The following NTRK3 variants were observed in gnomAD, a reference collection of about 807,000 sequenced individuals.
NTRK3 encodes NT-3 growth factor receptor.
Under a neutral mutation model 91.7 loss-of-function variants are expected in NTRK3, and 24 were observed. The observed-to-expected ratio is 0.26, with a 90% CI of 0.19 to 0.37. The LOEUF is 0.37. Among genes scored for constraint, NTRK3 ranks in the 10% least tolerant of loss-of-function variants. The pLI, the probability that NTRK3 is intolerant of heterozygous loss-of-function variation, is 1.00. For missense variants in NTRK3, 880 were observed against 1,068.9 expected (o/e 0.82, Z 2.46); for synonymous variants, 483 against 404.0 (o/e 1.20, Z -2.34).
intron 5 of NTRK3, among the ~76,000 whole-genome samples, chr15:88,156,800 C>CCTTTTCTTTTTCAGTTTTAT: frequency 6.6e-6 from 1 of 152,306 alleles, no homozygotes; most frequent in South Asian, 2.1e-4. Context: ...TTGAAGACAA[C>CCTTTTCTTTTTCAGTTTTAT]CTTTTCTTTT....
In NTRK3 at chr15:88,059,049, AACACACACACACAC is replaced by A. The variant is rs56706510; in HGVS notation, c.1397-26018_1397-26005del. On this transcript the variant is annotated intron_variant, in intron 13 of 18. Transcript: ENST00000394480. ...GGCCCCTTTATTTCACTCACACACA[AACACACACACACAC>A]ACACACACACACACACAGCCCTCTG... is the stretch of plus-strand genomic sequence containing the variant. Among the ~76,000 whole-genome samples, 42 of 144,718 alleles carry A rather than the reference AACACACACACACAC, an allele frequency of 2.9e-4. 2 individuals are homozygous for A. The highest frequency in any genetic ancestry group is 1.0e-3 in the African/African-American group (39 of 38,956). 94.9% of individuals were successfully genotyped at this position (144,718 alleles called of 152,430 possible).
At chr15:88,157,927 C>T (rs1329512715) in intron 5 of NTRK3, among the ~76,000 whole-genome samples, 1 of 152,172 alleles carries the variant, frequency 6.6e-6, no homozygotes. Flanking sequence ...GAGGGATCCT[C>T]CCCTCTTGGC....
chr15:88,088,580 A>G (rs1372895035), intron 13 of NTRK3, among the ~76,000 whole-genome samples: 5 of 152,210 alleles, frequency 3.3e-5, no homozygotes, highest in Non-Finnish European at 7.3e-5. Flanking sequence ...AATACTATGC[A>G]TATACCAGCA....
chr15:88,076,477 C>A (rs1449717902), intron 13 of NTRK3, among the ~76,000 whole-genome samples: 1 of 152,130 alleles, frequency 6.6e-6, no homozygotes, highest in Non-Finnish European at 1.5e-5. Context: ...CTCTAATCCC[C>A]TAGTGCACCA....
chr15:88,070,929 T>C (rs578102144), intron 13 of NTRK3, among the ~76,000 whole-genome samples: 17 of 152,292 alleles, frequency 1.1e-4, no homozygotes, highest in African/African-American at 4.1e-4. Flanking sequence ...GGAAGATTCC[T>C]AGCCCTCTAG....
At chr15:88,204,492 C>T (rs1250212996) in intron 3 of NTRK3, among the ~76,000 whole-genome samples, 1 of 152,214 alleles carries the variant, frequency 6.6e-6, no homozygotes, top group Non-Finnish European at 1.5e-5. Context: ...TAATGCTGCT[C>T]ACTCTACAAA....
At chr15:87,972,215 A>G (rs966443290) in intron 14 of NTRK3, among the ~76,000 whole-genome samples, 8 of 152,206 alleles carry the variant, frequency 5.3e-5, no homozygotes, top group Admixed American at 5.2e-4. Flanking sequence ...AGCTGCCATG[A>G]TAACAGCACA....
At chr15:87,969,943 C>G (rs184403756) in intron 14 of NTRK3, among the ~76,000 whole-genome samples, 1 of 152,288 alleles carries the variant, frequency 6.6e-6, no homozygotes, top group East Asian at 1.9e-4. Context: ...ATCTCTCTCA[C>G]TCAGTTTGCC....
chr15:88,235,400 T>G lies in NTRK3; in HGVS notation c.248+20506A>C, dbSNP rs975978639. On this transcript the variant is annotated intron_variant, in intron 3 of 18. Coordinates refer to ENST00000394480, the Ensembl canonical transcript of NTRK3. This position sits in a 1 kb window ranked among gnomAD's most constrained non-coding sequence, Gnocchi z 5.2. ...CAGTGGACACTCACTGGTCTCGGCC[T>G]TCCCGGAACCCACATCTGAGCACTC... 3.3e-5 allele frequency among the ~76,000 whole-genome samples: 5 copies of G among 152,194 alleles called. No individual in the cohort carries two copies. The highest frequency in any genetic ancestry group is 7.3e-5 in the Non-Finnish European group (5 of 68,032).
intron 13 of NTRK3, among the ~76,000 whole-genome samples, chr15:88,091,180 AG>A (rs1567379667): frequency 1.3e-5 from 2 of 152,182 alleles, no homozygotes; most frequent in African/African-American, 4.8e-5. Flanking sequence ...TACTGATGAA[AG>A]GGGAAAAAGG....
At chr15:87,861,828 TG>T in exon 19 of NTRK3, 1 of 204,340 alleles carries the variant, frequency 4.9e-6, no homozygotes, top group African/African-American at 2.3e-5. Flanking sequence ...AGTTCCCTCC[TG>T]GGGCTTCTAT....
chr15:87,960,375 C>CT (rs1430460619), intron 14 of NTRK3, among the ~76,000 whole-genome samples: 1 of 151,982 alleles, frequency 6.6e-6, no homozygotes, highest in African/African-American at 2.4e-5. Flanking sequence ...CTTTTATCTC[C>CT]TTTTTTTTCC....
intron 5 of NTRK3, among the ~76,000 whole-genome samples, chr15:88,177,640 T>C (rs2046116859): frequency 3.3e-5 from 5 of 152,290 alleles, no homozygotes; most frequent in Admixed American, 3.3e-4. Flanking sequence ...AAATCAAGAA[T>C]CCTGTCTTGG....
intron 3 of NTRK3, among the ~76,000 whole-genome samples, chr15:88,205,423 A>G (rs1439264056): frequency 6.6e-6 from 1 of 152,214 alleles, no homozygotes; most frequent in East Asian, 1.9e-4. Context: ...AAGGTCCCAC[A>G]GAGGTCCAAG....
intron 13 of NTRK3, among the ~76,000 whole-genome samples, chr15:88,071,718 C>T (rs904411928): frequency 6.6e-5 from 10 of 152,178 alleles, no homozygotes; most frequent in South Asian, 2.1e-4. Context: ...AGCTTGAAAG[C>T]GCTGATGCTC....
At chr15:87,860,276 G>A (rs1043922126) in exon 19 of NTRK3, 2 of 214,728 alleles carry the variant, frequency 9.3e-6, no homozygotes, top group Non-Finnish European at 1.9e-5. Flanking sequence ...ACAACCTTTG[G>A]TGATACCATT....
At chr15:88,184,159 A>G in intron 4 of NTRK3, 66 bp downstream of exon 4, 1 of 1,514,906 alleles carries the variant, frequency 6.6e-7, no homozygotes, top group Non-Finnish European at 9.1e-7. Context: ...GCCACCCCAG[A>G]AGGCAGACCA....
intron 13 of NTRK3, among the ~76,000 whole-genome samples, chr15:88,095,870 C>T (rs550439389): frequency 1.3e-5 from 2 of 152,258 alleles, no homozygotes; most frequent in East Asian, 3.9e-4. Context: ...TCTTACATAA[C>T]CATAACACAT....
intron 5 of NTRK3, among the ~76,000 whole-genome samples, chr15:88,151,019 C>A (rs957250671): frequency 6.6e-6 from 1 of 152,096 alleles, no homozygotes; most frequent in African/African-American, 2.4e-5. Context: ...ATTAAGAACA[C>A]CCTGCCTCTG....
Sources: allele counts gnomAD v4.1 joint callset (sites outside exome capture counted in the v4.1 genomes callset), GRCh38; gene constraint gnomAD v4.1.1; non-coding constraint Gnocchi (gnomAD v3.1); transcripts MANE v1.5; gene names NCBI Gene and HGNC (gene_info 2026-07-23, HGNC 2026-07-21).